The following ASPSCR1 variants were observed in gnomAD, a reference collection of about 807,000 sequenced individuals.
ASPSCR1 encodes the protein ASPSCR1 tether for SLC2A4, UBX domain containing.
ASPSCR1 carries 55 observed loss-of-function variants against 68.9 expected under a neutral mutation model. That is an observed-to-expected ratio of 0.80 (90% confidence interval 0.64 to 1.00). The LOEUF (loss-of-function observed/expected upper bound fraction) is 1.00, where lower values mean the gene tolerates loss of function less well. Ranked by LOEUF, ASPSCR1 falls within the 50% of genes least tolerant of loss-of-function variation. The pLI is 0.00. For missense variants in ASPSCR1, 765 were observed against 762.2 expected, an observed-to-expected ratio of 1.00 and a Z score of -0.04; for synonymous variants, 352 against 332.6, an observed-to-expected ratio of 1.06 and a Z score of -0.63.
chr17:82,017,235 G>A, intron 15 of ASPSCR1, 74 bp from the exon 16 acceptor site: 1 of 1,601,396 alleles, frequency 6.2e-7, no homozygotes, highest in Non-Finnish European at 8.5e-7. Flanking sequence ...GAGTGCTTCA[G>A]CCGGGCTGGT....
chr17:81,981,409 C>T (rs1271842202), intron 2 of ASPSCR1, among the ~76,000 whole-genome samples: 1 of 152,166 alleles, frequency 6.6e-6, no homozygotes, highest in East Asian at 1.9e-4. Flanking sequence ...GGTGGAGTCT[C>T]GCTCTGTCAC....
chr17:81,989,670 G>A (rs375509452), intron 4 of ASPSCR1, among the ~76,000 whole-genome samples: 1 of 152,134 alleles, frequency 6.6e-6, no homozygotes, highest in East Asian at 1.9e-4. Context: ...TTCCTTGGAT[G>A]GACACTGCCA....
In ASPSCR1 at chr17:81,987,344, C is replaced by T. The variant is rs910743603; in HGVS notation, c.374+1737C>T. 1.3e-5 allele frequency among the ~76,000 whole-genome samples: 2 copies of T among 152,352 alleles called. No homozygotes were observed. Among genetic ancestry groups the T allele is most frequent in the Admixed American group, 6.5e-5 (1 of 15,304 alleles). The stretch of plus-strand genomic sequence containing the variant: ...ATCCCGGCGCCCTGGCTCTGTGCTG[C>T]TTCCTGAGACGAGAGTGGCAGAGGG... On this transcript the variant is annotated intron_variant, in intron 4 of 15. Transcript: ENST00000306739. The surrounding 1 kb of genome is among the most constrained non-coding windows in gnomAD (Gnocchi z 5.6).
intron 7 of ASPSCR1, chr17:82,006,319 G>A (rs1244460501): frequency 6.6e-6 from 1 of 152,332 alleles, no homozygotes; most frequent in Non-Finnish European, 1.5e-5. Context: ...GTGTCCTTGC[G>A]GGTGCACGTG....
intron 8 of ASPSCR1, 80 bp downstream of exon 8, chr17:82,009,271 A>G: frequency 6.7e-7 from 1 of 1,485,896 alleles, no homozygotes; most frequent in Middle Eastern, 1.8e-4. Flanking sequence ...CGCTGTCCCC[A>G]GTGCCAGCAC....
At position 81,986,203 on chromosome 17, in the gene ASPSCR1, C is replaced by T. The variant is rs1013382564; in HGVS notation, c.374+596C>T. Among the ~76,000 whole-genome samples the T allele has an allele frequency of 1.4e-4, 21 of 152,098 alleles. No individual in the cohort carries two copies. Among genetic ancestry groups the T allele is most frequent in the African/African-American group, 4.6e-4 (19 of 41,420 alleles). ...CTTTGGAAGGCCGAGGCTGGCGAAT[C>T]GCTTGAGCTCATGAGTTCAAGACTA... On this transcript the variant is annotated intron_variant, in intron 4 of 15. Coordinates refer to ENST00000306739, the MANE Select transcript of ASPSCR1 (RefSeq NM_024083.4). This position sits in a 1 kb window ranked among gnomAD's most constrained non-coding sequence, Gnocchi z 5.2.
intron 7 of ASPSCR1, among the ~76,000 whole-genome samples, chr17:81,997,672 G>A (rs1273491612): frequency 6.6e-6 from 1 of 151,108 alleles, no homozygotes; most frequent in Non-Finnish European, 1.5e-5. Flanking sequence ...TGTATTTTTA[G>A]TAGAGACAGG....
At chr17:82,011,206 A>G (rs2042926284) in intron 10 of ASPSCR1, among the ~76,000 whole-genome samples, 1 of 143,758 alleles carries the variant, frequency 7.0e-6, no homozygotes, top group African/African-American at 2.6e-5. Context: ...TGTGACATTC[A>G]GGGGCTTGTG....
At chr17:81,993,023 A>T (rs1399525248) in intron 4 of ASPSCR1, among the ~76,000 whole-genome samples, 1 of 152,078 alleles carries the variant, frequency 6.6e-6, no homozygotes, top group African/African-American at 2.4e-5. Flanking sequence ...TGGGAAAGGG[A>T]TGCCCCTCCC....
intron 7 of ASPSCR1, among the ~76,000 whole-genome samples, chr17:82,002,178 TC>T (rs1434200255): frequency 6.6e-6 from 1 of 151,724 alleles, no homozygotes; most frequent in Non-Finnish European, 1.5e-5. Flanking sequence ...AAAGTATTTT[TC>T]TTTTTAAAAT....
At chr17:82,004,242 C>G (rs896944193) in intron 7 of ASPSCR1, 1 of 152,446 alleles carries the variant, frequency 6.6e-6, no homozygotes, top group Admixed American at 6.5e-5. Flanking sequence ...GCACTGTCTG[C>G]TGTGAGGCCG....
chr17:82,016,670 C>CGA, intron 13 of ASPSCR1, 130 bp from the exon 14 acceptor site: 3 of 1,438,972 alleles, frequency 2.1e-6, no homozygotes, highest in Non-Finnish European at 2.8e-6. Context: ...ACCACCTCCC[C>CGA]GAGAGAGGAC....
At chr17:82,015,690 A>C in intron 12 of ASPSCR1, 1 of 343,384 alleles carries the variant, frequency 2.9e-6, no homozygotes. Flanking sequence ...CTGGGTGTGA[A>C]TCTTGGAGGC....
At chr17:81,994,729 A>G in intron 4 of ASPSCR1, 92 bp from the exon 5 acceptor site, 1 of 1,364,028 alleles carries the variant, frequency 7.3e-7, no homozygotes, top group Non-Finnish European at 1.0e-6. Context: ...AGGGCCCCAC[A>G]CCTTTGCTTT....
At chr17:81,979,876 G>T (rs996290365) in intron 2 of ASPSCR1, among the ~76,000 whole-genome samples, 4 of 152,228 alleles carry the variant, frequency 2.6e-5, no homozygotes, top group African/African-American at 9.7e-5. Context: ...GACTCTCAAG[G>T]AGTCTGAGAC....
rs564346644 is a variant in ASPSCR1 at position 81,986,629 on chromosome 17, G to T, written c.374+1022G>T. Among the ~76,000 whole-genome samples the T allele has an allele frequency of 1.3e-5, 2 of 151,332 alleles. No homozygotes were observed. Among genetic ancestry groups the T allele is most frequent in the South Asian group, 2.1e-4 (1 of 4,766 alleles). ...GGCTGGGGTTTGCTGTGAGCCAGGGGGTTCTCGCCCTCCCCGGGCCTCAGT... is the reference window on the plus strand; with the variant it reads ...GGCTGGGGTTTGCTGTGAGCCAGGGTGTTCTCGCCCTCCCCGGGCCTCAGT... On this transcript the variant is annotated intron_variant, in intron 4 of 15. Transcript: ENST00000306739. The surrounding 1 kb of genome is among the most constrained non-coding windows in gnomAD (Gnocchi z 5.2).
At chr17:81,991,659 G>A (rs1232343437) in intron 4 of ASPSCR1, among the ~76,000 whole-genome samples, 4 of 152,230 alleles carry the variant, frequency 2.6e-5, no homozygotes, top group South Asian at 4.1e-4. Flanking sequence ...TGAGAAGGCC[G>A]GAGCCTGCCC....
At chr17:81,981,473 G>A (rs2041793248) in intron 2 of ASPSCR1, among the ~76,000 whole-genome samples, 1 of 152,192 alleles carries the variant, frequency 6.6e-6, no homozygotes, top group Non-Finnish European at 1.5e-5. Context: ...CTGTCTCCCA[G>A]GTTCAAGTGA....
chr17:82,003,813 A>G (rs1468865073), intron 7 of ASPSCR1, among the ~76,000 whole-genome samples: 1 of 152,194 alleles, frequency 6.6e-6, no homozygotes, highest in Non-Finnish European at 1.5e-5. Flanking sequence ...CAGGCCTTTG[A>G]TGGCGTCCAC....
Sources: gnomAD v4.1 joint callset for allele counts (sites outside exome capture counted in the v4.1 genomes callset) on GRCh38, gnomAD v4.1.1 for gene constraint, Gnocchi (gnomAD v3.1) non-coding constraint, MANE v1.5 for transcripts, NCBI Gene and HGNC (gene_info 2026-07-23, HGNC 2026-07-21) for gene names.